Variants in SYMPK observed in about 807,000 individuals in gnomAD.
SYMPK encodes the protein symplekin scaffold protein, also known as symplekin.
In SYMPK, 49 loss-of-function variants were observed where a neutral mutation model predicts 136.4. That is an observed-to-expected ratio of 0.36 (90% CI 0.29 to 0.46). SYMPK has a LOEUF of 0.46. SYMPK is among the 20% of genes least tolerant of loss of function. The probability of loss-of-function intolerance (pLI) is 1.00; values close to 1 mark genes in which losing one functional copy is unlikely to be tolerated. For synonymous variants in SYMPK, 766 were observed against 713.0 expected (o/e 1.07, Z -1.19); for missense variants, 1,365 against 1,690.0 (o/e 0.81, Z 3.37).
rs2146343600 is a variant in SYMPK, at chr19:45,853,937, C to G, written c.171+238G>C. 2.6e-5 allele frequency among the ~76,000 whole-genome samples: 4 copies of G among 152,282 alleles called. No individual in the cohort carries two copies. The East Asian group carries it at 7.7e-4, about 29-fold the overall frequency. ...TTCAGCCAGCTCCCAGCAGAGTGAC[C>G]CTGGGCTAATAATTTAAGCCCCGGG... On this transcript the variant is annotated intron_variant, in intron 3 of 26. Coordinates refer to ENST00000245934, the MANE Select transcript of SYMPK (RefSeq NM_004819.3).
intron 1 of SYMPK, among the ~76,000 whole-genome samples, chr19:45,857,967 T>G (rs1971874388): frequency 6.6e-6 from 1 of 151,898 alleles, no homozygotes; most frequent in East Asian, 1.9e-4. Context: ...TCCAGCTAAT[T>G]TTTGTATTTT....
chr19:45,816,669 A>G, intron 24 of SYMPK, 92 bp from the exon 25 acceptor site: 11 of 1,559,764 alleles, frequency 7.1e-6, no homozygotes, highest in Non-Finnish European at 9.5e-6. Context: ...AACCCTCCAG[A>G]ACTCCCAGCA....
In SYMPK at chr19:45,849,216, T is replaced by C. The variant is rs1971639816; in HGVS notation, c.300-340A>G. ...TGTTTATGCAATTTTTTGGGAAAAT[T>C]GCAACAATACTTGTAAAGTGCTTAG... On this transcript the variant is annotated intron_variant, in intron 5 of 26. Transcript: ENST00000245934. 1.3e-5 allele frequency among the ~76,000 whole-genome samples: 2 copies of C among 152,212 alleles called. 1 individual carries two copies. Among genetic ancestry groups the C allele is most frequent in the South Asian group, 4.1e-4 (2 of 4,832 alleles).
At chr19:45,862,034 CA>C (rs34763252) in intron 1 of SYMPK, 19,543 of 118,876 alleles carry the variant, frequency 0.16, 1,270 homozygotes, top group Admixed American at 0.21. Context: ...GACCCTGTCT[CA>C]AAAAAAAAAA....
chr19:45,844,249 C>G (rs1436322344), intron 7 of SYMPK, 49 bp from the exon 8 acceptor site: 9 of 1,455,534 alleles, frequency 6.2e-6, no homozygotes, highest in Non-Finnish European at 7.4e-6. Context: ...TTTCCCAGGC[C>G]TCTGGAGACA....
chr19:45,851,815 A>ACTCAAGCCTG (rs1161495332), intron 5 of SYMPK, among the ~76,000 whole-genome samples: 10 of 152,244 alleles, frequency 6.6e-5, no homozygotes, highest in African/African-American at 2.4e-4. Context: ...CGGAGGTTGC[A>ACTCAAGCCTG]GTGAGCCGAG....
At chr19:45,858,018 C>T (rs532353239) in intron 1 of SYMPK, among the ~76,000 whole-genome samples, 18 of 152,124 alleles carry the variant, frequency 1.2e-4, no homozygotes, top group South Asian at 1.0e-3. Flanking sequence ...AGGCTGGTCT[C>T]GAACTCCTGA....
intron 13 of SYMPK, 29 bp from the exon 14 acceptor site, chr19:45,829,234 T>C (rs1252991030): frequency 6.3e-7 from 1 of 1,598,382 alleles, no homozygotes; most frequent in Admixed American, 1.7e-5. Flanking sequence ...AGCATGTCAG[T>C]GTAGGGTGGG....
rs777867103 is a variant in SYMPK, at chr19:45,815,931, T to C, written c.3607A>G (p.Ile1203Val). The change falls in exon 26 of 27, where the codon ATC becomes GTC. Residue 1203 changes from isoleucine to valine, a missense_variant. Ile to Val is a conservative substitution (Grantham distance 29). This residue lies in a region of SYMPK where 341 missense variants were observed against 270.5 expected (regional missense o/e 1.26). Transcript: ENST00000245934. ...EEGPECETPG[I>V]FISMDDDSGL... is the part of the protein sequence containing the mutation. The stretch of plus-strand genomic sequence containing the variant: ...GAGTCGTCATCCATGCTGATGAAGA[T>C]GCCCGGGGTCTCGCACTCAGGCCCC... 7.4e-6 allele frequency: 12 copies of C among 1,612,106 alleles called. No homozygotes were observed. The East Asian group carries it at 1.8e-4, about 24-fold the overall frequency.
At chr19:45,825,403 C>G in intron 17 of SYMPK, 72 bp from the exon 18 acceptor site, 1 of 1,532,064 alleles carries the variant, frequency 6.5e-7, no homozygotes, top group Non-Finnish European at 8.8e-7. Context: ...CAGGAATGTC[C>G]CTTCTTGGGC....
intron 1 of SYMPK, among the ~76,000 whole-genome samples, chr19:45,860,587 C>T (rs559472171): frequency 9.9e-5 from 15 of 151,974 alleles, no homozygotes; most frequent in Admixed American, 2.6e-4. Flanking sequence ...ACCTCAGACA[C>T]CAAGGTTTAA....
intron 7 of SYMPK, among the ~76,000 whole-genome samples, chr19:45,846,488 A>G (rs1971563974): frequency 6.6e-6 from 1 of 152,218 alleles, no homozygotes; most frequent in African/African-American, 2.4e-5. Context: ...AGATGCCATA[A>G]TAACGATCCC....
At chr19:45,854,314 G>C (rs565719174) in intron 2 of SYMPK, 74 bp from the exon 3 acceptor site, 2 of 1,606,846 alleles carry the variant, frequency 1.2e-6, no homozygotes, top group African/African-American at 2.7e-5. Flanking sequence ...GCACTCCCAG[G>C]GCTCTGCCAC....
At chr19:45,831,674 T>C in intron 11 of SYMPK, 86 bp from the exon 12 acceptor site, 1 of 1,172,878 alleles carries the variant, frequency 8.5e-7, no homozygotes, top group Non-Finnish European at 1.2e-6. Flanking sequence ...GGCTCTGTTC[T>C]GAGCCCTGTA....
intron 21 of SYMPK, among the ~76,000 whole-genome samples, chr19:45,822,271 A>C (rs1970926872): frequency 2.0e-5 from 3 of 151,978 alleles, no homozygotes; most frequent in Admixed American, 2.0e-4. Flanking sequence ...GGCGCCCGCC[A>C]CCACGCCTGG....
chr19:45,815,586 C>T lies in SYMPK; in HGVS notation c.3799G>A (p.Glu1267Lys). Residue 1267 changes from glutamate to lysine, a missense_variant, in exon 27 of 27, where the codon GAA becomes AAA. Around this residue, in one of 11 missense-constraint regions of SYMPK, gnomAD observed 341 missense variants for 270.5 expected, o/e 1.26. Coordinates refer to ENST00000245934, the MANE Select transcript of SYMPK (RefSeq NM_004819.3). ...CAGCTGTTCCCCTTGGCCTCGGGTT[C>T]CCTGGCGTCCTCGGCAGCCGGGCTG... ...TPSPAAEDAR[E>K]PEAKGNS is the part of the protein sequence containing the mutation. 7.1e-7 allele frequency: 1 copy of T among 1,409,966 alleles called. No homozygotes were observed. The highest frequency in any genetic ancestry group is 9.5e-7 in the Non-Finnish European group (1 of 1,055,664). The allele number at this position is 1,409,966 out of a possible 1,614,324, so 87.3% of individuals were successfully genotyped here.
chr19:45,841,949 C>T (rs1178888786), intron 9 of SYMPK, among the ~76,000 whole-genome samples: 6 of 151,698 alleles, frequency 4.0e-5, no homozygotes, highest in Admixed American at 2.6e-4. Context: ...TTTGATAATT[C>T]TATTGTAATT....
At chr19:45,848,924 C>T (rs767227492) in intron 5 of SYMPK, 48 bp from the exon 6 acceptor site, 7 of 1,611,562 alleles carry the variant, frequency 4.3e-6, no homozygotes, top group Admixed American at 1.7e-5. Context: ...GGTCTTAGAG[C>T]AAGTAGGAGG....
chr19:45,861,528 C>A lies in SYMPK; in HGVS notation c.-13+1530G>T, dbSNP rs192277408. On this transcript the variant is annotated intron_variant, in intron 1 of 26. Transcript: ENST00000245934. ...GGCGGAGGCAGGTGGATCACGAGGT[C>A]AGGAGTTCAAGACCAGCCTGACCAA... Among the ~76,000 whole-genome samples the A allele has an allele frequency of 3.1e-3, 473 of 152,260 alleles. 4 individuals carry two copies. The highest frequency in any genetic ancestry group is 0.011 in the African/African-American group (456 of 41,556).
Sources: gnomAD v4.1 joint callset for allele counts (sites outside exome capture counted in the v4.1 genomes callset) on GRCh38, gnomAD v4.1.1 for gene constraint, gnomAD v4.1.1 regional missense constraint, MANE v1.5 for transcripts, NCBI Gene and HGNC (gene_info 2026-07-23, HGNC 2026-07-21) for gene names.